ELAPOR2: variants seen among roughly 807,000 people sequenced by gnomAD.
ELAPOR2 encodes the protein endosome-lysosome associated apoptosis and autophagy regulator family member 2, also known as endosome/lysosome-associated apoptosis and autophagy regulator family member 2.
A neutral mutation model predicts 120.7 loss-of-function variants in ELAPOR2; 89 were observed. The ratio of observed to expected loss-of-function variants is 0.74; its 90% CI spans 0.62 to 0.88. The LOEUF (loss-of-function observed/expected upper bound fraction) is 0.88, where lower values mean the gene tolerates loss of function less well. Ranked by LOEUF, ELAPOR2 falls within the 40% of genes least tolerant of loss-of-function variation. The pLI is 0.00. For synonymous variants in ELAPOR2, 444 were observed against 444.9 expected (o/e 1.00, Z 0.03); for missense variants, 1,134 against 1,251.6 (o/e 0.91, Z 1.42).
In ELAPOR2 at chr7:86,876,946, C is replaced by T. The variant is rs559948879; in HGVS notation, c.*3525G>A. ...ATAAAGTTTTATTGGAATGCAGCCA[C>T]GCCCATCCATTTACATTTTGTATGT... On this transcript the variant is annotated 3_prime_UTR_variant, in exon 22 of 22. Transcript: ENST00000450689. 6 of 152,242 alleles carry T rather than the reference C, an allele frequency of 3.9e-5. No homozygotes were observed. Among genetic ancestry groups the T allele is most frequent in the East Asian group, 3.9e-4 (2 of 5,184 alleles). 9.4% of individuals were successfully genotyped at this position (152,242 alleles called of 1,614,324 possible). A position where few individuals can be genotyped will look rare whatever the true frequency, so the allele number is the denominator to read the frequency against.
At chr7:86,952,360 T>C (rs1409523653) in intron 2 of ELAPOR2, among the ~76,000 whole-genome samples, 1 of 152,190 alleles carries the variant, frequency 6.6e-6, no homozygotes, top group Non-Finnish European at 1.5e-5. Flanking sequence ...GGTTAACTAG[T>C]TAACAGTTAA....
In ELAPOR2 at chr7:86,950,006, T is replaced by C. The variant is rs565642950; in HGVS notation, c.311-2084A>G. ...CCAGAATGGGAACTTGTGGTGCTTT[T>C]TCCCCCCAGACTGCCCATGGCCGCC... is the stretch of plus-strand genomic sequence containing the variant. On this transcript the variant is annotated intron_variant, in intron 2 of 21. Coordinates refer to ENST00000450689, the MANE Select transcript of ELAPOR2 (RefSeq NM_001142749.3). 6.6e-5 allele frequency among the ~76,000 whole-genome samples: 10 copies of C among 152,042 alleles called. No individual in the cohort carries two copies. In the South Asian group the frequency reaches 2.1e-3, roughly 32 times the overall value.
chr7:87,050,876 A>G (rs1375276407), intron 1 of ELAPOR2, among the ~76,000 whole-genome samples: 2 of 152,192 alleles, frequency 1.3e-5, no homozygotes, highest in Non-Finnish European at 2.9e-5. Context: ...GAGAAAAGAC[A>G]TCAGTGGAGA....
rs1234040575 is a variant in ELAPOR2, at chr7:86,942,045, T to C, written c.714A>G (p.Thr238=). 6.5e-7 allele frequency: 1 copy of C among 1,548,960 alleles called. No individual in the cohort carries two copies. The highest frequency in any genetic ancestry group is 1.4e-5 in the African/African-American group (1 of 72,950). ...AATGAGAGCCCCATTCTCCATTGTCTGTAAGTTTTACCCACTTGTCAGTGG... is the reference window on the plus strand; with the variant it reads ...AATGAGAGCCCCATTCTCCATTGTCCGTAAGTTTTACCCACTTGTCAGTGG... ...DTTTDKWVKL[T]DNGEWGSHSV... is the part of the protein sequence containing the mutation. The change falls in exon 5 of 22, where the codon ACA becomes ACG. Residue 238 remains threonine (T), a synonymous_variant. Transcript: ENST00000450689.
chr7:87,002,373 C>G (rs1035066839), intron 1 of ELAPOR2, among the ~76,000 whole-genome samples: 1 of 152,160 alleles, frequency 6.6e-6, no homozygotes, highest in African/African-American at 2.4e-5. Flanking sequence ...CAGTTGGCTT[C>G]TGCAGCAGCA....
chr7:86,957,633 G>C (rs1229137117), intron 2 of ELAPOR2, among the ~76,000 whole-genome samples: 1 of 152,110 alleles, frequency 6.6e-6, no homozygotes, highest in African/African-American at 2.4e-5. Context: ...TTGCATATGA[G>C]GATATAGCAA....
At chr7:87,002,855 G>A (rs762055448) in intron 1 of ELAPOR2, among the ~76,000 whole-genome samples, 4 of 152,120 alleles carry the variant, frequency 2.6e-5, no homozygotes, top group Non-Finnish European at 4.4e-5. Context: ...TCTGTGAGTT[G>A]CCAGCCAACA....
At chr7:87,046,062 T>TC (rs1160220757) in intron 1 of ELAPOR2, among the ~76,000 whole-genome samples, 2 of 151,846 alleles carry the variant, frequency 1.3e-5, no homozygotes, top group Non-Finnish European at 2.9e-5. Flanking sequence ...ACCTAAAGAC[T>TC]CCACCAAAAA....
At chr7:86,983,884 A>G (rs1792606997) in intron 1 of ELAPOR2, among the ~76,000 whole-genome samples, 1 of 152,226 alleles carries the variant, frequency 6.6e-6, no homozygotes, top group African/African-American at 2.4e-5. Context: ...TAAAAGACAC[A>G]GACTGGCAAA....
rs192648594 is a variant in ELAPOR2, at chr7:86,980,510, G to A, written c.190-15486C>T. Among the ~76,000 whole-genome samples, 37 of 152,152 alleles carry A rather than the reference G, an allele frequency of 2.4e-4. No individual in the cohort carries two copies. In the East Asian group the frequency reaches 6.2e-3, roughly 25 times the overall value. ...CAGTTCACCTTCCCACTCTCCTCAT[G>A]ACAATTCTAAAATTGTTTCAAGCTC... On this transcript the variant is annotated intron_variant, in intron 1 of 21. Coordinates refer to ENST00000450689, the MANE Select transcript of ELAPOR2 (RefSeq NM_001142749.3).
intron 1 of ELAPOR2, among the ~76,000 whole-genome samples, chr7:86,982,036 C>T (rs1487703495): frequency 6.6e-6 from 1 of 152,256 alleles, no homozygotes; most frequent in Non-Finnish European, 1.5e-5. Context: ...AGGTCCCATG[C>T]CCACAGAGCC....
chr7:86,960,598 G>A (rs1228123159), intron 2 of ELAPOR2, among the ~76,000 whole-genome samples: 3 of 152,062 alleles, frequency 2.0e-5, no homozygotes, highest in African/African-American at 7.2e-5. Context: ...GTCCATTATT[G>A]TAAGTAGGAT....
intron 1 of ELAPOR2, among the ~76,000 whole-genome samples, chr7:87,008,775 C>G (rs914525130): frequency 2.6e-5 from 4 of 152,086 alleles, no homozygotes; most frequent in Non-Finnish European, 5.9e-5. Flanking sequence ...AACAATGAGA[C>G]AGAGAGAGAG....
At chr7:86,953,971 T>C (rs1221319647) in intron 2 of ELAPOR2, among the ~76,000 whole-genome samples, 1 of 152,234 alleles carries the variant, frequency 6.6e-6, no homozygotes, top group Non-Finnish European at 1.5e-5. Context: ...GCCTTATGCC[T>C]CTTCTTTTCT....
chr7:87,041,407 C>T lies in ELAPOR2; in HGVS notation c.189+17918G>A, dbSNP rs991539031. Among the ~76,000 whole-genome samples, 25 of 152,172 alleles carry T rather than the reference C, an allele frequency of 1.6e-4. No homozygotes were observed. In the East Asian group the frequency reaches 1.7e-3, roughly 11 times the overall value. ...AAAGGGAAGCCCATCAGACTAACAG[C>T]GGATCTCTCGGCATAAACCCTACGA... is the stretch of plus-strand genomic sequence containing the variant. On this transcript the variant is annotated intron_variant, in intron 1 of 21. Coordinates refer to ENST00000450689, the MANE Select transcript of ELAPOR2 (RefSeq NM_001142749.3).
intron 1 of ELAPOR2, among the ~76,000 whole-genome samples, chr7:86,991,760 C>T (rs1321627006): frequency 6.6e-6 from 1 of 152,170 alleles, no homozygotes; most frequent in Non-Finnish European, 1.5e-5. Flanking sequence ...TCCAGGTCAC[C>T]TCAGCATCCA....
intron 1 of ELAPOR2, among the ~76,000 whole-genome samples, chr7:86,980,998 A>G (rs1767710): frequency 0.38 from 57,512 of 151,950 alleles, 11,740 homozygotes; most frequent in African/African-American, 0.53. Context: ...CCTTTGCACT[A>G]CAGATTCTGG....
At chr7:86,998,613 A>G (rs1050712565) in intron 1 of ELAPOR2, among the ~76,000 whole-genome samples, 2 of 152,184 alleles carry the variant, frequency 1.3e-5, no homozygotes, top group Non-Finnish European at 2.9e-5. Context: ...CAAAATACCA[A>G]TAGCTGCATA....
chr7:86,881,047 T>C (rs932361897), intron 21 of ELAPOR2, among the ~76,000 whole-genome samples: 1 of 152,194 alleles, frequency 6.6e-6, no homozygotes, highest in Non-Finnish European at 1.5e-5. Flanking sequence ...CTATTAAAGA[T>C]ATTAAACAAG....
Sources: gnomAD v4.1 joint callset for allele counts (sites outside exome capture counted in the v4.1 genomes callset) on GRCh38, gnomAD v4.1.1 for gene constraint, MANE v1.5 for transcripts, NCBI Gene and HGNC (gene_info 2026-07-23, HGNC 2026-07-21) for gene names.